TNKS: variants seen among roughly 807,000 people sequenced by gnomAD.
TNKS encodes poly [ADP-ribose] polymerase tankyrase-1.
Under a neutral mutation model 135.8 loss-of-function variants are expected in TNKS, and 72 were observed. The ratio of observed to expected loss-of-function variants is 0.53; its 90% CI spans 0.44 to 0.64. The LOEUF (loss-of-function observed/expected upper bound fraction) is 0.64, where lower values mean the gene tolerates loss of function less well. TNKS is among the 30% of genes least tolerant of loss of function. TNKS has a pLI of 0.00. For synonymous variants in TNKS, 849 were observed against 649.3 expected, an observed-to-expected ratio of 1.31 and a Z score of -4.68; for missense variants, 1,769 against 1,674.0, an observed-to-expected ratio of 1.06 and a Z score of -0.99.
At chr8:9,683,025 A>G (rs572623042) in intron 5 of TNKS, among the ~76,000 whole-genome samples, 3 of 152,174 alleles carry the variant, frequency 2.0e-5, no homozygotes, top group Admixed American at 2.0e-4. Context: ...GAAAAAATTA[A>G]ACTTAAGCAT....
chr8:9,628,822 C>G (rs1304314875), intron 3 of TNKS, among the ~76,000 whole-genome samples: 1 of 152,140 alleles, frequency 6.6e-6, no homozygotes, highest in Non-Finnish European at 1.5e-5. Context: ...CTTAACATGG[C>G]CAACACAGAA....
intron 13 of TNKS, among the ~76,000 whole-genome samples, chr8:9,729,492 A>G (rs1214159862): frequency 1.3e-5 from 2 of 152,126 alleles, no homozygotes; most frequent in Non-Finnish European, 2.9e-5. Flanking sequence ...TCTGTTTTTC[A>G]TTGCCTTTCT....
At chr8:9,768,170 C>T (rs144650033) in intron 25 of TNKS, among the ~76,000 whole-genome samples, 150 of 152,208 alleles carry the variant, frequency 9.9e-4, no homozygotes, top group Non-Finnish European at 1.9e-3. Flanking sequence ...GCCAGGATTT[C>T]TGGAAAACAG....
intron 2 of TNKS, among the ~76,000 whole-genome samples, chr8:9,608,517 C>A (rs924771504): frequency 6.6e-6 from 1 of 152,066 alleles, no homozygotes; most frequent in Admixed American, 6.5e-5. Context: ...CACCTTGCGA[C>A]CTCTACTCAC....
chr8:9,738,907 C>G (rs1366748184), intron 17 of TNKS, among the ~76,000 whole-genome samples: 2 of 148,992 alleles, frequency 1.3e-5, no homozygotes, highest in African/African-American at 5.0e-5. Context: ...CTGTAGATGT[C>G]TATTAGGTCT....
At chr8:9,717,603 T>C (rs1804672917) in intron 11 of TNKS, among the ~76,000 whole-genome samples, 1 of 152,118 alleles carries the variant, frequency 6.6e-6, no homozygotes, top group Admixed American at 6.6e-5. Flanking sequence ...ATTTATTAGT[T>C]TGTTGCTCTT....
chr8:9,574,200 G>A (rs946833639), intron 1 of TNKS, among the ~76,000 whole-genome samples: 2 of 152,180 alleles, frequency 1.3e-5, no homozygotes, highest in African/African-American at 4.8e-5. Flanking sequence ...ACTGTTTGGG[G>A]AAAGAATGTG....
intron 3 of TNKS, among the ~76,000 whole-genome samples, chr8:9,667,504 A>G (rs1203196136): frequency 2.6e-5 from 4 of 152,198 alleles, no homozygotes; most frequent in Non-Finnish European, 5.9e-5. Context: ...TCTTATAACC[A>G]TATCATCCTG....
chr8:9,655,811 C>A (rs568525317), intron 3 of TNKS, among the ~76,000 whole-genome samples: 2 of 150,862 alleles, frequency 1.3e-5, no homozygotes, highest in South Asian at 4.3e-4. Context: ...AGCAGAAAAA[C>A]CAGAAACTCT....
intron 1 of TNKS, among the ~76,000 whole-genome samples, chr8:9,578,427 T>G (rs1798042070): frequency 1.3e-5 from 2 of 152,254 alleles, no homozygotes; most frequent in African/African-American, 4.8e-5. Context: ...CCTATGCTTT[T>G]ACTGATTCAG....
At chr8:9,775,346 G>C (rs1808164968) in intron 26 of TNKS, among the ~76,000 whole-genome samples, 1 of 151,232 alleles carries the variant, frequency 6.6e-6, no homozygotes, top group South Asian at 2.1e-4. Flanking sequence ...AAAGTCAGGA[G>C]AGATTTTCAA....
intron 18 of TNKS, among the ~76,000 whole-genome samples, chr8:9,748,509 G>A (rs1025028971): frequency 3.9e-5 from 6 of 152,062 alleles, no homozygotes; most frequent in Non-Finnish European, 5.9e-5. Context: ...AAAATATCTT[G>A]TACCTTCTAT....
chr8:9,763,738 T>C (rs1489181826), intron 22 of TNKS, among the ~76,000 whole-genome samples: 1 of 152,202 alleles, frequency 6.6e-6, no homozygotes, highest in Non-Finnish European at 1.5e-5. Context: ...CTATGAAGGC[T>C]GTTTGTGTAA....
At chr8:9,653,315 G>T (rs994457032) in intron 3 of TNKS, among the ~76,000 whole-genome samples, 2 of 152,072 alleles carry the variant, frequency 1.3e-5, no homozygotes, top group African/African-American at 4.8e-5. Context: ...ACTGTATCAT[G>T]CATCTGACTG....
At chr8:9,730,068 C>T (rs145985215) in intron 13 of TNKS, among the ~76,000 whole-genome samples, 4 of 152,260 alleles carry the variant, frequency 2.6e-5, no homozygotes, top group African/African-American at 9.6e-5. Context: ...AGCCAACGCA[C>T]CTGGCCAATA....
At chr8:9,598,759 G>C (rs1349468594) in intron 2 of TNKS, among the ~76,000 whole-genome samples, 5 of 88,694 alleles carry the variant, frequency 5.6e-5, no homozygotes, top group Non-Finnish European at 9.2e-5. Context: ...ATGTATATGT[G>C]TGTGTGTATA....
intron 9 of TNKS, among the ~76,000 whole-genome samples, chr8:9,709,037 GT>G (rs1804191404): frequency 6.6e-6 from 1 of 151,836 alleles, no homozygotes; most frequent in African/African-American, 2.4e-5. Flanking sequence ...TATTTTCTTT[GT>G]CATTGACACA....
chr8:9,590,320 TC>T (rs1423757029), intron 2 of TNKS, among the ~76,000 whole-genome samples: 1 of 152,170 alleles, frequency 6.6e-6, no homozygotes. Flanking sequence ...CGGTACTCTT[TC>T]CCCAGATTTT....
chr8:9,575,426 T>C lies in TNKS; in HGVS notation c.674-4733T>C, dbSNP rs968487682. On this transcript the variant is annotated intron_variant, in intron 1 of 26. Coordinates refer to ENST00000310430, the MANE Select transcript of TNKS (RefSeq NM_003747.3). ...TGGGTCAACTCTACCCTACTAGATATCTAGACTTATTCTAAAGTTATACTA... is the reference window on the plus strand; with the variant it reads ...TGGGTCAACTCTACCCTACTAGATACCTAGACTTATTCTAAAGTTATACTA... 22 of 985,218 alleles carry C rather than the reference T, an allele frequency of 2.2e-5. No homozygotes were observed. The African/African-American group carries it at 3.3e-4, about 15-fold the overall frequency. 61.0% of individuals were successfully genotyped at this position (985,218 alleles called of 1,614,324 possible). A position where few individuals can be genotyped will look rare whatever the true frequency, so the allele number is the denominator to read the frequency against.
Sources: allele counts gnomAD v4.1 joint callset (sites outside exome capture counted in the v4.1 genomes callset), GRCh38; gene constraint gnomAD v4.1.1; transcripts MANE v1.5; gene names NCBI Gene and HGNC (gene_info 2026-07-23, HGNC 2026-07-21).